Variants in ADGRE1 observed in about 807,000 individuals in gnomAD.
ADGRE1 encodes adhesion G protein-coupled receptor E1.
In ADGRE1, 82 loss-of-function variants were observed where a neutral mutation model predicts 102.7. The ratio of observed to expected loss-of-function variants is 0.80; its 90% confidence interval spans 0.67 to 0.96. The LOEUF is 0.96. Ranked by LOEUF, ADGRE1 falls within the 40% of genes least tolerant of loss-of-function variation. The probability of loss-of-function intolerance (pLI) is 0.00; values close to 1 mark genes in which losing one functional copy is unlikely to be tolerated. For synonymous variants in ADGRE1, 398 were observed against 399.6 expected, an observed-to-expected ratio of 1.00 and a Z score of 0.05; for missense variants, 1,032 against 1,085.3, an observed-to-expected ratio of 0.95 and a Z score of 0.69.
intron 10 of ADGRE1, among the ~76,000 whole-genome samples, chr19:6,911,917 A>G (rs1485039101): frequency 6.6e-6 from 1 of 151,798 alleles, no homozygotes; most frequent in Non-Finnish European, 1.5e-5. Flanking sequence ...TTACACACAT[A>G]CACACATGTA....
chr19:6,906,743 C>T (rs911863532), intron 9 of ADGRE1, among the ~76,000 whole-genome samples: 4 of 152,276 alleles, frequency 2.6e-5, no homozygotes, highest in African/African-American at 9.6e-5. Flanking sequence ...ACTTTGTGGC[C>T]CAAGGTGGCA....
At position 6,924,619 on chromosome 19, in the gene ADGRE1, C is replaced by T. The variant is rs976337587; in HGVS notation, c.1792-59C>T. ...GCCAGGGTTTTAGATAACTCTTCTT[C>T]CCGCCTGGGGGGATTTTGATCCCAT... On this transcript the variant is annotated intron_variant, in intron 14 of 20. Coordinates refer to ENST00000312053, the MANE Select transcript of ADGRE1 (RefSeq NM_001974.5). 3.4e-5 allele frequency: 51 copies of T among 1,519,772 alleles called. No homozygotes were observed. In the South Asian group the frequency reaches 4.8e-4, roughly 14 times the overall value. The allele number at this position is 1,519,772 out of a possible 1,614,324, so 94.1% of individuals were successfully genotyped here.
chr19:6,936,333 G>A (rs1378011171), intron 18 of ADGRE1, among the ~76,000 whole-genome samples: 1 of 151,730 alleles, frequency 6.6e-6, no homozygotes, highest in Non-Finnish European at 1.5e-5. Flanking sequence ...CTACTTGGGA[G>A]GCTGAGGCAG....
Position 6,919,668 on chromosome 19 carries a change from G to T in ADGRE1, c.1541G>T (p.Arg514Leu), listed in dbSNP as rs767177184. Residue 514 changes from arginine to leucine, a missense_variant, in exon 13 of 21, where the codon CGA (arginine) becomes CTA (leucine). By Grantham distance (102) the Arg-to-Leu change is moderately radical. Coordinates refer to ENST00000312053, the MANE Select transcript of ADGRE1 (RefSeq NM_001974.5). ...TSEIKLKMNSRVVGGIMTGEK... is the reference protein window; with the variant it reads ...TSEIKLKMNSLVVGGIMTGEK... ...GAGATCAAGCTGAAGATGAATTCTC[G>T]AGTCGTTGGGGGCATAATGACTGGA... 6.2e-7 allele frequency: 1 copy of T among 1,613,394 alleles called. No individual in the cohort carries two copies. The highest frequency in any genetic ancestry group is 1.1e-5 in the South Asian group (1 of 91,042).
At chr19:6,935,297 C>T (rs1038900350) in intron 18 of ADGRE1, among the ~76,000 whole-genome samples, 8 of 152,030 alleles carry the variant, frequency 5.3e-5, no homozygotes, top group African/African-American at 2.4e-5. Context: ...CTCAGAAGCC[C>T]ATTTGCCTCA....
Position 6,916,257 on chromosome 19 carries a change from A to G in ADGRE1, c.1309A>G (p.Ser437Gly), listed in dbSNP as rs1358703037. 1.2e-6 allele frequency: 2 copies of G among 1,612,076 alleles called. No individual in the cohort carries two copies. Among genetic ancestry groups the G allele is most frequent in the South Asian group, 1.1e-5 (1 of 90,756 alleles). ...TCCCTTTCTCTTTTTAGACATTGAG[A>G]GCAAAGTTATCAACAAAGAATGCAG... ...AVRTEYLDIE[S>G]KVINKECSEE... is the part of the protein sequence containing the mutation. Residue 437 changes from serine to glycine, a missense_variant, in exon 12 of 21, where the codon AGC (serine) becomes GGC (glycine). Transcript: ENST00000312053.
rs1974427009 is a variant in ADGRE1 at position 6,917,276 on chromosome 19, T to C, written c.1420+908T>C. On this transcript the variant is annotated intron_variant, in intron 12 of 20. Transcript: ENST00000312053. Reference sequence around the variant, plus strand: ...TTTAATGTAAAAGCACAGTGTGCAATATGGAAGAGCTATTTAAGCGAAGTC... The same window carrying C: ...TTTAATGTAAAAGCACAGTGTGCAACATGGAAGAGCTATTTAAGCGAAGTC... Among the ~76,000 whole-genome samples, 5 of 152,232 alleles carry C rather than the reference T, an allele frequency of 3.3e-5. No individual in the cohort carries two copies. In the South Asian group the frequency reaches 1.0e-3, roughly 32 times the overall value.
At position 6,903,888 on chromosome 19, in the gene ADGRE1, AC is replaced by A. The variant is rs1462208253; in HGVS notation, c.743del (p.Pro248LeufsTer10). On this transcript the variant is annotated frameshift_variant, in exon 7 of 21. Transcript: ENST00000312053. LOFTEE classifies it high-confidence loss of function. The part of the protein sequence containing the change: ...NTPGSYFCTC[H>X]PGFAPSNGQL... ...CCTGGGAGCTACTTTTGCACCTGCC[AC>A]CCTGGCTTTGCACCAAGCAATGGAC... is the stretch of plus-strand genomic sequence containing the variant. The A allele has an allele frequency of 6.2e-7, 1 of 1,614,166 alleles. No individual in the cohort carries two copies. The highest frequency in any genetic ancestry group is 1.7e-5 in the Admixed American group (1 of 60,010).
chr19:6,894,571 A>C (rs1022547400), intron 2 of ADGRE1, among the ~76,000 whole-genome samples: 2 of 152,170 alleles, frequency 1.3e-5, no homozygotes, highest in African/African-American at 2.4e-5. Flanking sequence ...TGCAAAGAGA[A>C]ACTGACATGA....
At chr19:6,887,779 C>A in intron 1 of ADGRE1, 140 bp downstream of exon 1, 1 of 902,842 alleles carries the variant, frequency 1.1e-6, no homozygotes, top group Non-Finnish European at 1.7e-6. Flanking sequence ...TTCAGGGAAC[C>A]TTTGACAAAA....
chr19:6,901,049 G>T (rs1235377981), intron 5 of ADGRE1, among the ~76,000 whole-genome samples: 1 of 152,186 alleles, frequency 6.6e-6, no homozygotes, highest in East Asian at 1.9e-4. Context: ...GGTTGGGAAT[G>T]GATCACCCCA....
At chr19:6,936,357 A>G (rs1344427429) in intron 18 of ADGRE1, among the ~76,000 whole-genome samples, 1 of 149,566 alleles carries the variant, frequency 6.7e-6, no homozygotes, top group East Asian at 2.0e-4. Flanking sequence ...AATAGCTTGA[A>G]CCCAGGAGGC....
chr19:6,921,888 G>A lies in ADGRE1; in HGVS notation c.1791+5G>A, dbSNP rs1258754672. ...ATGGCGTCTGGGGAGCTCACGGTCA[G>A]TACTGATGATTTGTTCCCTGAGGCA... On this transcript the variant is annotated splice_donor_5th_base_variant and intron_variant, in intron 14 of 20. Transcript: ENST00000312053. 1.3e-6 allele frequency: 2 copies of A among 1,598,086 alleles called. No homozygotes were observed. Among genetic ancestry groups the A allele is most frequent in the Non-Finnish European group, 1.7e-6 (2 of 1,171,028 alleles).
chr19:6,916,951 T>C (rs1434257518), intron 12 of ADGRE1, among the ~76,000 whole-genome samples: 1 of 152,164 alleles, frequency 6.6e-6, no homozygotes, highest in Non-Finnish European at 1.5e-5. Flanking sequence ...AAATTACATA[T>C]GTGGTTCATA....
intron 6 of ADGRE1, among the ~76,000 whole-genome samples, chr19:6,903,132 A>G (rs1292852615): frequency 6.6e-6 from 1 of 152,222 alleles, no homozygotes; most frequent in Non-Finnish European, 1.5e-5. Context: ...CCTACTTTTA[A>G]TAATATGCAG....
At chr19:6,911,235 TG>T (rs1974162263) in intron 10 of ADGRE1, among the ~76,000 whole-genome samples, 1 of 152,148 alleles carries the variant, frequency 6.6e-6, no homozygotes, top group African/African-American at 2.4e-5. Context: ...CCGTGTTTAT[TG>T]AAATCCTTTT....
At chr19:6,935,104 CT>C (rs760323475) in intron 18 of ADGRE1, 26 bp downstream of exon 18, 3 of 1,460,252 alleles carry the variant, frequency 2.1e-6, no homozygotes, top group African/African-American at 1.8e-5. Context: ...ACCTCCCCCC[CT>C]CTTTTAATTT....
chr19:6,927,954 G>T (rs1974988481), intron 16 of ADGRE1, among the ~76,000 whole-genome samples, 191 bp from the exon 17 acceptor site: 1 of 152,132 alleles, frequency 6.6e-6, no homozygotes, highest in African/African-American at 2.4e-5. Flanking sequence ...AGGTACATTT[G>T]CCCAGGAAGA....
chr19:6,918,575 G>A (rs531999322), intron 12 of ADGRE1, among the ~76,000 whole-genome samples: 42 of 152,248 alleles, frequency 2.8e-4, no homozygotes, highest in Non-Finnish European at 3.4e-4. Context: ...CCTGGAGACC[G>A]TCCATATTTA....
Sources: allele counts gnomAD v4.1 joint callset (sites outside exome capture counted in the v4.1 genomes callset), GRCh38; gene constraint gnomAD v4.1.1; transcripts MANE v1.5; gene names NCBI Gene and HGNC (gene_info 2026-07-23, HGNC 2026-07-21).